Variants in RAB19 observed in about 807,000 individuals in gnomAD.
RAB19 encodes RAB19, member RAS oncogene family.
In RAB19, 21 loss-of-function variants were observed where a neutral mutation model predicts 17.3. That is an observed-to-expected ratio of 1.21 (90% CI 0.86 to 1.74). The LOEUF (loss-of-function observed/expected upper bound fraction) is 1.74. Ranked by LOEUF, RAB19 falls within the 40% of genes most tolerant of loss-of-function variation. RAB19 has a pLI of 0.00. For missense variants in RAB19, 277 were observed against 286.8 expected (o/e 0.97, Z 0.25); for synonymous variants, 126 against 110.4 (o/e 1.14, Z -0.88).
rs1311483097 is a variant in RAB19 at position 140,404,619 on chromosome 7, A to G, written c.-24+402A>G. ...ATTTGAGTGCATTTTACCTTGTGTG[A>G]TGAGACAGAGTGTCCTTGTCTATGA... On this transcript the variant is annotated intron_variant, in intron 1 of 3. Coordinates refer to ENST00000537763, the MANE Select transcript of RAB19 (RefSeq NM_001008749.3). 5.0e-5 allele frequency among the ~76,000 whole-genome samples: 7 copies of G among 138,882 alleles called. No individual in the cohort carries two copies. The East Asian group carries it at 1.4e-3, about 28-fold the overall frequency. 91.1% of individuals were successfully genotyped at this position (138,882 alleles called of 152,430 possible).
chr7:140,413,808 T>G (rs1799408873), intron 3 of RAB19, among the ~76,000 whole-genome samples: 1 of 152,162 alleles, frequency 6.6e-6, no homozygotes, highest in African/African-American at 2.4e-5. Flanking sequence ...GACAGGTAGA[T>G]GCAGCCCATG....
Position 140,411,912 on chromosome 7 carries a change from C to A in RAB19, c.240C>A (p.Arg80=). ...VWDTAGQERF[R]TITQSYYRSA... ...ACACAGCTGGCCAGGAGCGCTTCCG[C>A]ACCATCACCCAAAGCTACTACCGCA... The change falls in exon 3 of 4, where the codon CGC becomes CGA. Residue 80 remains arginine, a synonymous_variant. Coordinates refer to ENST00000537763, the MANE Select transcript of RAB19 (RefSeq NM_001008749.3). The A allele has an allele frequency of 6.2e-7, 1 of 1,614,208 alleles. No homozygotes were observed. The highest frequency in any genetic ancestry group is 1.6e-4 in the Middle Eastern group (1 of 6,062).
chr7:140,411,379 G>T (rs915794464), intron 2 of RAB19, among the ~76,000 whole-genome samples: 1 of 152,094 alleles, frequency 6.6e-6, no homozygotes, highest in African/African-American at 2.4e-5. Flanking sequence ...CAGCCTGGGC[G>T]ACAGAGCGAG....
chr7:140,411,138 G>T lies in RAB19; in HGVS notation c.202-736G>T, dbSNP rs1799352899. On this transcript the variant is annotated intron_variant, in intron 2 of 3. Transcript: ENST00000537763. Reference sequence around the variant, plus strand: ...CTCTCGGCCGGGCGCAGTGGCTCACGCCTGTAATCTCAGCACTTTGGGAGG... The same window carrying T: ...CTCTCGGCCGGGCGCAGTGGCTCACTCCTGTAATCTCAGCACTTTGGGAGG... 5 of 1,363,136 alleles carry T rather than the reference G, an allele frequency of 3.7e-6. No homozygotes were observed. In the Admixed American group the frequency reaches 5.7e-5, roughly 16 times the overall value. 84.4% of individuals were successfully genotyped at this position (1,363,136 alleles called of 1,614,324 possible). A position where few individuals can be genotyped will look rare whatever the true frequency, so the allele number is the denominator to read the frequency against.
intron 3 of RAB19, among the ~76,000 whole-genome samples, chr7:140,424,065 G>A (rs1424452921): frequency 6.6e-6 from 1 of 151,846 alleles, no homozygotes; most frequent in Non-Finnish European, 1.5e-5. Flanking sequence ...ATGTTGGCTG[G>A]GATGGTCTCA....
Position 140,426,036 on chromosome 7 carries a change from C to T in RAB19, c.540C>T (p.Ile180=), listed in dbSNP as rs776290345. 7.7e-5 allele frequency: 124 copies of T among 1,614,016 alleles called. No homozygotes were observed. Among genetic ancestry groups the T allele is most frequent in the Middle Eastern group, 1.6e-4 (1 of 6,084 alleles). The change falls in exon 4 of 4, where the codon ATC becomes ATT. Residue 180 remains isoleucine, a synonymous_variant. Transcript: ENST00000537763. The part of the protein sequence containing the change: ...EVFVLMAKEL[I]ARNSLHLYGE... ...TCGTGCTCATGGCCAAGGAGCTGAT[C>T]GCGCGCAACAGCCTGCACCTATATG...
At chr7:140,410,897 T>C in intron 2 of RAB19, 1 of 1,362,936 alleles carries the variant, frequency 7.3e-7, no homozygotes, top group Non-Finnish European at 9.8e-7. Flanking sequence ...GTGCTGCCGC[T>C]TGGGTGGCTA....
chr7:140,417,226 ACT>A (rs1799475812), intron 3 of RAB19, among the ~76,000 whole-genome samples: 1 of 114,514 alleles, frequency 8.7e-6, no homozygotes, highest in Non-Finnish European at 1.8e-5. Context: ...ACAGAGCGAG[ACT>A]CTGTCTCAAA....
intron 3 of RAB19, among the ~76,000 whole-genome samples, chr7:140,424,093 G>A (rs1435882675): frequency 6.7e-6 from 1 of 149,602 alleles, no homozygotes; most frequent in East Asian, 2.0e-4. Flanking sequence ...GACCTCAGGT[G>A]ATCCACCCGC....
At chr7:140,413,397 T>C (rs377494271) in intron 3 of RAB19, among the ~76,000 whole-genome samples, 3 of 151,600 alleles carry the variant, frequency 2.0e-5, no homozygotes, top group Non-Finnish European at 4.4e-5. Flanking sequence ...TTTAGGATAA[T>C]CTTTTCTATT....
chr7:140,412,100 T>C, intron 3 of RAB19, 43 bp downstream of exon 3: 1 of 1,544,416 alleles, frequency 6.5e-7, no homozygotes, highest in Non-Finnish European at 8.9e-7. Context: ...TACTCTCCTC[T>C]GAGGATGCTC....
intron 3 of RAB19, among the ~76,000 whole-genome samples, chr7:140,412,668 C>T (rs73163260): frequency 0.095 from 14,365 of 150,990 alleles, 911 homozygotes; most frequent in South Asian, 0.2. Flanking sequence ...GTGCCTGGCC[C>T]TTTATTTTTA....
At chr7:140,415,841 G>C (rs1337963819) in intron 3 of RAB19, among the ~76,000 whole-genome samples, 1 of 151,662 alleles carries the variant, frequency 6.6e-6, no homozygotes, top group Non-Finnish European at 1.5e-5. Context: ...GGAGGCGGAG[G>C]TTGCAGTGAG....
rs142930039 is a variant in RAB19 at position 140,407,811 on chromosome 7, C to T, written c.165C>T (p.Thr55=). 2.7e-5 allele frequency: 43 copies of T among 1,612,650 alleles called. No homozygotes were observed. The highest frequency in any genetic ancestry group is 1.1e-4 in the African/African-American group (8 of 74,610). Reference sequence around the variant, plus strand: ...AGAACACGATTGGAGTGGACTTTACCGTGCGTTCCCTTGATATTGACGGCA... The same window carrying T: ...AGAACACGATTGGAGTGGACTTTACTGTGCGTTCCCTTGATATTGACGGCA... ...TQQNTIGVDF[T]VRSLDIDGKK... is the part of the protein sequence containing the mutation. Residue 55 remains threonine (T), a synonymous_variant, in exon 2 of 4, where the codon ACC becomes ACT. Coordinates refer to ENST00000537763, the MANE Select transcript of RAB19 (RefSeq NM_001008749.3).
chr7:140,420,169 C>G (rs1799530980), intron 3 of RAB19, among the ~76,000 whole-genome samples: 1 of 151,974 alleles, frequency 6.6e-6, no homozygotes, highest in Admixed American at 6.6e-5. Flanking sequence ...GCCTGTAATC[C>G]CAGCACTTTG....
At chr7:140,411,516 A>G (rs1177153321) in intron 2 of RAB19, among the ~76,000 whole-genome samples, 4 of 151,222 alleles carry the variant, frequency 2.6e-5, no homozygotes, top group Non-Finnish European at 1.5e-5. Context: ...AATTACACTA[A>G]CACTAATGAT....
intron 1 of RAB19, among the ~76,000 whole-genome samples, chr7:140,405,894 A>T (rs575500855): frequency 5.9e-5 from 9 of 152,120 alleles, no homozygotes; most frequent in Non-Finnish European, 1.3e-4. Flanking sequence ...TTTTTCAATG[A>T]TATTCCCAGA....
At chr7:140,423,143 C>T (rs1042058573) in intron 3 of RAB19, among the ~76,000 whole-genome samples, 2 of 150,926 alleles carry the variant, frequency 1.3e-5, no homozygotes, top group African/African-American at 4.9e-5. Context: ...GATGGTTAAA[C>T]AAATATTGGT....
chr7:140,415,259 G>T (rs551695385), intron 3 of RAB19, among the ~76,000 whole-genome samples: 16 of 147,252 alleles, frequency 1.1e-4, no homozygotes, highest in Non-Finnish European at 2.5e-4. Context: ...GTTTTTAGTA[G>T]AGACAGGGTT....
Sources: allele counts gnomAD v4.1 joint callset (sites outside exome capture counted in the v4.1 genomes callset), GRCh38; gene constraint gnomAD v4.1.1; transcripts MANE v1.5; gene names NCBI Gene and HGNC (gene_info 2026-07-23, HGNC 2026-07-21).